LRP1B: variants seen among roughly 807,000 people sequenced by gnomAD.
LRP1B encodes the protein LDL receptor related protein 1B, also known as low-density lipoprotein receptor-related protein 1B.
Under a neutral mutation model 556.6 loss-of-function variants are expected in LRP1B, and 217 were observed. That is an observed-to-expected ratio of 0.39 (90% CI 0.35 to 0.44). The LOEUF is 0.44. LRP1B is among the 20% of genes least tolerant of loss of function. The probability of loss-of-function intolerance (pLI) is 1.00; values close to 1 mark genes in which losing one functional copy is unlikely to be tolerated. For synonymous variants in LRP1B, 2,047 were observed against 1,865.8 expected, an observed-to-expected ratio of 1.10 and a Z score of -2.50; for missense variants, 5,053 against 5,620.8, an observed-to-expected ratio of 0.90 and a Z score of 3.23.
chr2:141,340,866 C>G lies in LRP1B; in HGVS notation c.344-86225G>C, dbSNP rs75823410. Among the ~76,000 whole-genome samples the G allele has an allele frequency of 2.4e-4, 36 of 152,232 alleles. No homozygotes were observed. The East Asian group carries it at 6.6e-3, about 28-fold the overall frequency. On this transcript the variant is annotated intron_variant, in intron 3 of 90. Transcript: ENST00000389484. ...CAGGAAGAAACAGAACAACAAAAAA[C>G]AATCAGGAACTTTAAAAAATTACTG...
chr2:141,060,169 C>T (rs558271003), intron 8 of LRP1B, among the ~76,000 whole-genome samples: 50 of 151,754 alleles, frequency 3.3e-4, no homozygotes, highest in Non-Finnish European at 6.9e-4. Flanking sequence ...GCATATATGA[C>T]TCATTACTTC....
At chr2:141,994,466 A>G (rs1173342908) in intron 1 of LRP1B, among the ~76,000 whole-genome samples, 1 of 152,218 alleles carries the variant, frequency 6.6e-6, no homozygotes, top group African/African-American at 2.4e-5. Flanking sequence ...AAATATTTTC[A>G]TGCATTATTT....
intron 16 of LRP1B, among the ~76,000 whole-genome samples, chr2:140,993,121 T>TA: frequency 6.6e-6 from 1 of 152,082 alleles, no homozygotes; most frequent in African/African-American, 2.4e-5. Flanking sequence ...TATTAATTTT[T>TA]AAAAAAGGGA....
At chr2:141,045,463 A>G (rs1419727930) in intron 11 of LRP1B, among the ~76,000 whole-genome samples, 1 of 151,976 alleles carries the variant, frequency 6.6e-6, no homozygotes, top group African/African-American at 2.4e-5. Flanking sequence ...AAAAAAAAGA[A>G]AGAGCATCTA....
intron 67 of LRP1B, among the ~76,000 whole-genome samples, chr2:140,384,840 GTCT>G (rs1267534551): frequency 6.6e-6 from 1 of 152,146 alleles, no homozygotes; most frequent in Non-Finnish European, 1.5e-5. Context: ...TCTGCTTCAA[GTCT>G]TCTTGGAAGT....
At chr2:140,999,247 A>T (rs1382935524) in intron 15 of LRP1B, among the ~76,000 whole-genome samples, 1 of 152,126 alleles carries the variant, frequency 6.6e-6, no homozygotes, top group Admixed American at 6.6e-5. Context: ...ATATTAGAAG[A>T]TATAGCAGAA....
chr2:140,977,185 T>C (rs1304938689), intron 18 of LRP1B, among the ~76,000 whole-genome samples: 1 of 152,070 alleles, frequency 6.6e-6, no homozygotes, highest in Admixed American at 6.5e-5. Flanking sequence ...AATTGAAACA[T>C]GGGGGCAGGT....
rs1332939835 is a variant in LRP1B, at chr2:140,525,919, G to A, written c.7951C>T (p.Leu2651=). ...TGFIRCNSTS[L]CVLPTWICDG... ...CATATCCAGGTTGGCAGAACACACAGTGAGGTAGAATTACATCTTATGAAC... is the reference window on the plus strand; with the variant it reads ...CATATCCAGGTTGGCAGAACACACAATGAGGTAGAATTACATCTTATGAAC... Residue 2651 remains leucine (L), a synonymous_variant, in exon 49 of 91, where the codon CTG becomes TTG. Transcript: ENST00000389484. 1.2e-6 allele frequency: 2 copies of A among 1,612,304 alleles called. No homozygotes were observed. The highest frequency in any genetic ancestry group is 1.3e-5 in the African/African-American group (1 of 74,778).
At chr2:140,408,076 T>G (rs1412250338) in intron 66 of LRP1B, among the ~76,000 whole-genome samples, 9 of 151,946 alleles carry the variant, frequency 5.9e-5, no homozygotes, top group Non-Finnish European at 1.0e-4. Context: ...AGTAACTCAG[T>G]AATGGAAAAT....
chr2:140,829,625 A>C (rs1192944383), intron 31 of LRP1B, among the ~76,000 whole-genome samples: 1 of 152,140 alleles, frequency 6.6e-6, no homozygotes, highest in Non-Finnish European at 1.5e-5. Context: ...TATGCTATAA[A>C]GCAAAATCAG....
chr2:140,463,977 C>T (rs1687430789), intron 60 of LRP1B, among the ~76,000 whole-genome samples: 1 of 152,038 alleles, frequency 6.6e-6, no homozygotes, highest in Admixed American at 6.6e-5. Flanking sequence ...GGGCAGATCA[C>T]CTGAGGTCAG....
chr2:140,279,436 A>G (rs913513307), intron 84 of LRP1B, among the ~76,000 whole-genome samples: 17 of 151,998 alleles, frequency 1.1e-4, no homozygotes, highest in Admixed American at 6.6e-4. Flanking sequence ...ATAAATCATA[A>G]GAATGCCAGT....
intron 1 of LRP1B, among the ~76,000 whole-genome samples, chr2:141,849,425 T>G (rs966226611): frequency 6.6e-6 from 1 of 151,692 alleles, no homozygotes; most frequent in African/African-American, 2.4e-5. Flanking sequence ...AATAGAGATC[T>G]TAAGCACGCC....
intron 1 of LRP1B, among the ~76,000 whole-genome samples, chr2:141,901,006 C>T (rs1016852420): frequency 2.6e-5 from 4 of 151,920 alleles, no homozygotes; most frequent in African/African-American, 9.7e-5. Flanking sequence ...TAGATTACAT[C>T]CTGAGAAAGT....
At chr2:141,526,080 G>T (rs1684685637) in intron 2 of LRP1B, among the ~76,000 whole-genome samples, 1 of 152,004 alleles carries the variant, frequency 6.6e-6, no homozygotes, top group African/African-American at 2.4e-5. Flanking sequence ...TACAGTTAGT[G>T]TGTGGTAAAG....
At chr2:141,706,072 A>G (rs1692126768) in intron 2 of LRP1B, among the ~76,000 whole-genome samples, 1 of 152,054 alleles carries the variant, frequency 6.6e-6, no homozygotes, top group Admixed American at 6.6e-5. Flanking sequence ...ACCTATATGG[A>G]AATTTAGGTA....
chr2:140,601,934 T>A (rs1363284899), intron 41 of LRP1B, among the ~76,000 whole-genome samples: 1 of 152,104 alleles, frequency 6.6e-6, no homozygotes, highest in African/African-American at 2.4e-5. Flanking sequence ...CTTTCTTGTA[T>A]CTTAATCAAT....
intron 2 of LRP1B, among the ~76,000 whole-genome samples, chr2:141,757,458 A>G (rs1333971096): frequency 6.6e-6 from 1 of 152,234 alleles, no homozygotes; most frequent in Non-Finnish European, 1.5e-5. Context: ...TTTGAGTAAT[A>G]CAAAATGAGA....
At position 141,482,234 on chromosome 2, in the gene LRP1B, G is replaced by A. The variant is rs577890570; in HGVS notation, c.206-1701C>T. ...AATACTTTATCAAATAGGAATTATAGGTGTAAATTATTTTGTTGGATGCTA... is the reference window on the plus strand; with the variant it reads ...AATACTTTATCAAATAGGAATTATAAGTGTAAATTATTTTGTTGGATGCTA... On this transcript the variant is annotated intron_variant, in intron 2 of 90. Transcript: ENST00000389484. Among the ~76,000 whole-genome samples, 159 of 152,216 alleles carry A rather than the reference G, an allele frequency of 1.0e-3. 1 individual carries two copies. Among genetic ancestry groups the A allele is most frequent in the Middle Eastern group, 0.01 (3 of 294 alleles).
Sources: gnomAD v4.1 joint callset for allele counts (sites outside exome capture counted in the v4.1 genomes callset) on GRCh38, gnomAD v4.1.1 for gene constraint, MANE v1.5 for transcripts, NCBI Gene and HGNC (gene_info 2026-07-23, HGNC 2026-07-21) for gene names.